MAPK8IP3: variants seen among roughly 807,000 people sequenced by gnomAD.
MAPK8IP3 encodes the protein C-Jun-amino-terminal kinase-interacting protein 3.
In MAPK8IP3, 49 loss-of-function variants were observed where a neutral mutation model predicts 157.8. The observed-to-expected ratio is 0.31, with a 90% CI of 0.25 to 0.39. The LOEUF is 0.39. MAPK8IP3 is among the 10% of genes least tolerant of loss of function. MAPK8IP3 has a pLI of 1.00. For missense variants in MAPK8IP3, 1,478 were observed against 1,889.4 expected (o/e 0.78, Z 4.04); for synonymous variants, 897 against 777.7 (o/e 1.15, Z -2.55).
intron 8 of MAPK8IP3, among the ~76,000 whole-genome samples, chr16:1,757,778 G>A (rs908140192): frequency 5.3e-5 from 8 of 152,212 alleles, no homozygotes; most frequent in African/African-American, 1.9e-4. Context: ...GGCTTTTGGA[G>A]ACTGGGTACC....
At chr16:1,749,612 C>T (rs145403493) in intron 8 of MAPK8IP3, among the ~76,000 whole-genome samples, 19 of 152,356 alleles carry the variant, frequency 1.2e-4, no homozygotes, top group Middle Eastern at 3.4e-3. Context: ...TGAGCACTGG[C>T]CATGTGGCTC....
intron 5 of MAPK8IP3, chr16:1,745,255 C>A: frequency 2.3e-6 from 2 of 881,756 alleles, no homozygotes; most frequent in Non-Finnish European, 2.7e-6. Flanking sequence ...GGAAGGTGGC[C>A]CAGAAGCGTT....
chr16:1,708,440 T>C (rs759231373), intron 1 of MAPK8IP3, among the ~76,000 whole-genome samples: 3 of 152,228 alleles, frequency 2.0e-5, no homozygotes, highest in Non-Finnish European at 2.9e-5. Context: ...TTTCACCTTG[T>C]ACCTGTGTGG....
At chr16:1,749,049 G>T in intron 8 of MAPK8IP3, 1 of 400,812 alleles carries the variant, frequency 2.5e-6, no homozygotes, top group Non-Finnish European at 4.8e-6. Context: ...ATGCTGTGTC[G>T]TTTAGGGAAT....
At chr16:1,736,534 G>C (rs1466647895) in intron 4 of MAPK8IP3, among the ~76,000 whole-genome samples, 1 of 73,022 alleles carries the variant, frequency 1.4e-5, no homozygotes. Flanking sequence ...CCGTCCGTGT[G>C]AGCATCCGTG....
At chr16:1,767,330 G>A in intron 26 of MAPK8IP3, 33 bp downstream of exon 26, 1 of 1,611,120 alleles carries the variant, frequency 6.2e-7, no homozygotes, top group South Asian at 1.1e-5. Context: ...GGGAGGGGAA[G>A]AGGCTCCTGC....
At position 1,724,265 on chromosome 16, in the gene MAPK8IP3, T is replaced by C. The variant is rs2038721479; in HGVS notation, c.319-292T>C. 6.6e-6 allele frequency among the ~76,000 whole-genome samples: 1 copy of C among 152,242 alleles called. No individual in the cohort carries two copies. Among genetic ancestry groups the C allele is most frequent in the Non-Finnish European group, 1.5e-5 (1 of 68,048 alleles). On this transcript the variant is annotated intron_variant, in intron 1 of 31. Transcript: ENST00000610761. This position sits in a 1 kb window ranked among gnomAD's most constrained non-coding sequence, Gnocchi z 4.1. ...CATGCAGCCACGAAGGCAGCCGTAA[T>C]TGGAAACAACAGGCTCCCTTCACAG...
intron 1 of MAPK8IP3, among the ~76,000 whole-genome samples, chr16:1,719,733 C>A (rs1178741747): frequency 6.6e-6 from 1 of 150,904 alleles, no homozygotes; most frequent in East Asian, 1.9e-4. Context: ...GTGGGCCCAG[C>A]TACTCAGGAG....
At chr16:1,759,733 A>G (rs2041826065) in intron 10 of MAPK8IP3, among the ~76,000 whole-genome samples, 1 of 152,186 alleles carries the variant, frequency 6.6e-6, no homozygotes, top group South Asian at 2.1e-4. Context: ...GGCCTGTGAC[A>G]TTGGTCGGAC....
rs765744727 is a variant in MAPK8IP3 at position 1,763,798 on chromosome 16, T to G, written c.2025+15T>G. ...AGTACAAGCAGGTGCGGGCGGGCGC[T>G]GCGGGGACCGGGCGGGGCCCCGCAG... On this transcript the variant is annotated intron_variant, in intron 17 of 31. Coordinates refer to ENST00000610761, the MANE Select transcript of MAPK8IP3 (RefSeq NM_001318852.2). 2 of 1,251,640 alleles carry G rather than the reference T, an allele frequency of 1.6e-6. No individual in the cohort carries two copies. Among genetic ancestry groups the G allele is most frequent in the Non-Finnish European group, 2.1e-6 (2 of 972,152 alleles). The allele number at this position is 1,251,640 out of a possible 1,614,324, so 77.5% of individuals were successfully genotyped here.
In MAPK8IP3 at chr16:1,741,284, G is replaced by A. The variant is rs2040661658; in HGVS notation, c.603-2048G>A. Among the ~76,000 whole-genome samples, 1 of 152,222 alleles carries A rather than the reference G, an allele frequency of 6.6e-6. No individual in the cohort carries two copies. The highest frequency in any genetic ancestry group is 1.5e-5 in the Non-Finnish European group (1 of 68,040). ...AGGACAAATCGGGAGGACGGGGTCA[G>A]TCGGCAAACGCTCACGAGCCTGAGG... On this transcript the variant is annotated intron_variant, in intron 4 of 31. Transcript: ENST00000610761. The surrounding 1 kb of genome is among the most constrained non-coding windows in gnomAD (Gnocchi z 6.9).
intron 1 of MAPK8IP3, among the ~76,000 whole-genome samples, chr16:1,716,321 T>G (rs2038148555): frequency 6.6e-6 from 1 of 151,178 alleles, no homozygotes; most frequent in Non-Finnish European, 1.5e-5. Flanking sequence ...TTTTTTTTTT[T>G]TTTTTTGAGA....
intron 5 of MAPK8IP3, chr16:1,744,462 G>A (rs1217121153): frequency 1.0e-6 from 1 of 985,712 alleles, no homozygotes; most frequent in Non-Finnish European, 1.2e-6. Context: ...TGCTCTGGGA[G>A]CGAGCTCCCT....
At position 1,710,526 on chromosome 16, in the gene MAPK8IP3, CTATT is replaced by C. The variant is rs1435474089; in HGVS notation, c.318+3871_318+3874del. 6.6e-6 allele frequency among the ~76,000 whole-genome samples: 1 copy of C among 152,026 alleles called. No homozygotes were observed. The highest frequency in any genetic ancestry group is 2.4e-5 in the African/African-American group (1 of 41,390). ...AAATAAATGTCATCCATTTCATAGA[CTATT>C]TGGGTAGGATTCAGCTGGAGAAAAC... On this transcript the variant is annotated intron_variant, in intron 1 of 31. Coordinates refer to ENST00000610761, the MANE Select transcript of MAPK8IP3 (RefSeq NM_001318852.2). The surrounding 1 kb of genome is among the most constrained non-coding windows in gnomAD (Gnocchi z 4.1).
rs752251768 is a variant in MAPK8IP3 at position 1,766,403 on chromosome 16, C to T, written c.2813C>T (p.Pro938Leu). 6.2e-7 allele frequency: 1 copy of T among 1,609,964 alleles called. No homozygotes were observed. The highest frequency in any genetic ancestry group is 8.5e-7 in the Non-Finnish European group (1 of 1,178,100). ...CCGACCCCGTCCTCTGGCCCCCAGC[C>T]TGGCAGGTGAGCTCTTGGGCTGGGG... ...PAPTPSSGPQ[P>L]GSENGPEPDS... Residue 938 changes from proline (P) to leucine (L), a missense_variant, in exon 22 of 32, where the codon CCT (proline) becomes CTT (leucine). Pro to Leu is a moderately conservative substitution (Grantham distance 98). Around this residue, in one of 11 missense-constraint regions of MAPK8IP3, gnomAD observed 669 missense variants for 759.8 expected, o/e 0.88. Transcript: ENST00000610761.
chr16:1,769,132 C>A lies in MAPK8IP3; in HGVS notation c.*308C>A. The A allele has an allele frequency of 2.4e-6, 1 of 411,088 alleles. No homozygotes were observed. Among genetic ancestry groups the A allele is most frequent in the Admixed American group, 3.9e-5 (1 of 25,902 alleles). The allele number at this position is 411,088 out of a possible 1,614,324, so 25.5% of individuals were successfully genotyped here. ...ACCTTGGGCCCAGCGCAGGCAGAAT[C>A]CGAGGTGGTCCTGGCTCTACCCTGG... On this transcript the variant is annotated 3_prime_UTR_variant, in exon 32 of 32. Coordinates refer to ENST00000610761, the MANE Select transcript of MAPK8IP3 (RefSeq NM_001318852.2).
chr16:1,737,432 GTGTGTGAGCGTC>G (rs2040056791), intron 4 of MAPK8IP3, among the ~76,000 whole-genome samples: 1 of 110,518 alleles, frequency 9.0e-6, no homozygotes, highest in South Asian at 4.6e-4. Flanking sequence ...GTCCGTGTGA[GTGTGTGAGCGTC>G]CGTGTGAGTG....
intron 2 of MAPK8IP3, among the ~76,000 whole-genome samples, chr16:1,725,882 A>G (rs2038845272): frequency 6.6e-6 from 1 of 152,058 alleles, no homozygotes; most frequent in Non-Finnish European, 1.5e-5. Flanking sequence ...TATTTTTAGT[A>G]GAGATGGGGT....
At position 1,756,729 on chromosome 16, in the gene MAPK8IP3, G is replaced by A. The variant is rs142745605; in HGVS notation, c.1217-1419G>A. ...CTCAGCTACTCAGGAGGCTGAGGTG[G>A]GAGGATCTCTTGAGCCTGGGAGGTC... On this transcript the variant is annotated intron_variant, in intron 8 of 31. Coordinates refer to ENST00000610761, the MANE Select transcript of MAPK8IP3 (RefSeq NM_001318852.2). Among the ~76,000 whole-genome samples, 15 of 152,044 alleles carry A rather than the reference G, an allele frequency of 9.9e-5. No homozygotes were observed. The East Asian group carries it at 2.9e-3, about 29-fold the overall frequency.
Sources: allele counts gnomAD v4.1 joint callset (sites outside exome capture counted in the v4.1 genomes callset), GRCh38; gene constraint gnomAD v4.1.1; regional missense constraint gnomAD v4.1.1; non-coding constraint Gnocchi (gnomAD v3.1); transcripts MANE v1.5; gene names NCBI Gene and HGNC (gene_info 2026-07-23, HGNC 2026-07-21).